Variants in SDK2 observed in about 807,000 individuals in gnomAD.
The protein encoded by SDK2 is protein sidekick-2.
A neutral mutation model predicts 253.9 loss-of-function variants in SDK2; 105 were observed. The ratio of observed to expected loss-of-function variants is 0.41; its 90% CI spans 0.35 to 0.49. SDK2 has a LOEUF of 0.49. SDK2 is among the 20% of genes least tolerant of loss of function. The pLI is 0.06. For synonymous variants in SDK2, 1,249 were observed against 1,234.9 expected (o/e 1.01, Z -0.24); for missense variants, 2,608 against 3,003.0 (o/e 0.87, Z 3.07).
rs763992904 is a variant in SDK2, at chr17:73,435,828, G to A, written c.1001-184C>T. 1.4e-4 allele frequency among the ~76,000 whole-genome samples: 22 copies of A among 152,196 alleles called. No homozygotes were observed. The highest frequency in any genetic ancestry group is 3.2e-3 in the Middle Eastern group (1 of 316). ...AGAGGAGGAAGATGCTCTTTGAGTG[G>A]TAATTCTCAAAGTCTTTGGGACAGA... On this transcript the variant is annotated intron_variant, in intron 8 of 44. Coordinates refer to ENST00000392650, the MANE Select transcript of SDK2 (RefSeq NM_001144952.2). The surrounding 1 kb of genome is among the most constrained non-coding windows in gnomAD (Gnocchi z 5.7).
chr17:73,628,596 T>C (rs1008702354), intron 1 of SDK2, among the ~76,000 whole-genome samples: 2 of 152,140 alleles, frequency 1.3e-5, no homozygotes, highest in African/African-American at 4.8e-5. Flanking sequence ...TGGTGTGGCA[T>C]AGGAGAGCTA....
chr17:73,567,879 C>T (rs1469577451), intron 1 of SDK2, among the ~76,000 whole-genome samples: 1 of 152,226 alleles, frequency 6.6e-6, no homozygotes, highest in African/African-American at 2.4e-5. Flanking sequence ...TTTGCTTTTA[C>T]ACATTCATAA....
chr17:73,562,315 G>A (rs761679689), intron 1 of SDK2, among the ~76,000 whole-genome samples: 9 of 152,264 alleles, frequency 5.9e-5, no homozygotes, highest in Admixed American at 3.9e-4. Context: ...TGGAATTTTT[G>A]CATTAATTTG....
At chr17:73,423,795 G>A (rs2063254973) in intron 13 of SDK2, 121 bp downstream of exon 13, 1 of 889,970 alleles carries the variant, frequency 1.1e-6, no homozygotes, top group African/African-American at 1.7e-5. Context: ...CCTGAGCAAA[G>A]CTGAACAGTT....
intron 1 of SDK2, among the ~76,000 whole-genome samples, chr17:73,617,242 GGAGAGGCCTCCTGCAGAGGGGAGGT>G (rs1445666687): frequency 6.8e-6 from 1 of 147,988 alleles, no homozygotes. Flanking sequence ...AGAGGGGAGG[GGAGAGGCCTCCTGCAGAGGGGAGGT>G]GAGAGGGCTC....
chr17:73,335,974 T>G lies in SDK2; in HGVS notation c.*2613A>C, dbSNP rs918584336. The G allele has an allele frequency of 5.3e-5, 8 of 152,030 alleles. No homozygotes were observed. The highest frequency in any genetic ancestry group is 1.9e-4 in the African/African-American group (8 of 41,336). The allele number at this position is 152,030 out of a possible 1,614,324, so 9.4% of individuals were successfully genotyped here. A position where few individuals can be genotyped will look rare whatever the true frequency, so the allele number is the denominator to read the frequency against. On this transcript the variant is annotated 3_prime_UTR_variant, in exon 45 of 45. Transcript: ENST00000392650. ...GTGTGGGGAGTGGGGGGGTGGAATA[T>G]CTTAGTGCACCAGGTGATTCATTAA...
chr17:73,386,954 G>A (rs929526353), intron 30 of SDK2, among the ~76,000 whole-genome samples: 5 of 152,056 alleles, frequency 3.3e-5, no homozygotes, highest in African/African-American at 1.2e-4. Flanking sequence ...TTTTGTTTGA[G>A]ATGGAGTCTT....
chr17:73,590,187 T>C (rs2045663068), intron 1 of SDK2, among the ~76,000 whole-genome samples: 3 of 152,138 alleles, frequency 2.0e-5, no homozygotes, highest in South Asian at 4.1e-4. Context: ...AAGACGAGAA[T>C]TGGACGGCTG....
chr17:73,501,872 T>C (rs1026290656), intron 2 of SDK2, among the ~76,000 whole-genome samples: 1 of 152,242 alleles, frequency 6.6e-6, no homozygotes, highest in African/African-American at 2.4e-5. Flanking sequence ...TTACTGCGCC[T>C]GATTCCAAGA....
At chr17:73,470,171 G>A (rs1255378148) in intron 3 of SDK2, among the ~76,000 whole-genome samples, 2 of 151,932 alleles carry the variant, frequency 1.3e-5, no homozygotes, top group African/African-American at 4.8e-5. Flanking sequence ...GCAATGCAAG[G>A]GCACACATTT....
At chr17:73,445,705 C>T (rs1422026287) in intron 5 of SDK2, among the ~76,000 whole-genome samples, 1 of 151,642 alleles carries the variant, frequency 6.6e-6, no homozygotes, top group Admixed American at 6.6e-5. Flanking sequence ...GGTTGGCAGG[C>T]AGGCAGGCAG....
chr17:73,419,330 C>T (rs769660826), intron 15 of SDK2, 24 bp from the exon 16 acceptor site: 1 of 1,606,192 alleles, frequency 6.2e-7, no homozygotes, highest in African/African-American at 1.3e-5. Flanking sequence ...CACCAATGCT[C>T]TTAGTCTTGG....
At chr17:73,354,280 G>T (rs2062566561) in intron 40 of SDK2, among the ~76,000 whole-genome samples, 1 of 152,246 alleles carries the variant, frequency 6.6e-6, no homozygotes, top group African/African-American at 2.4e-5. Flanking sequence ...CTTTGCACCT[G>T]AGCTTCCCTC....
At position 73,338,240 on chromosome 17, in the gene SDK2, C is replaced by T. The variant is rs572267690; in HGVS notation, c.*347G>A. The T allele has an allele frequency of 1.4e-5, 6 of 421,436 alleles. No individual in the cohort carries two copies. Among genetic ancestry groups the T allele is most frequent in the African/African-American group, 4.1e-5 (2 of 48,876 alleles). The allele number at this position is 421,436 out of a possible 1,614,324, so 26.1% of individuals were successfully genotyped here. A position where few individuals can be genotyped will look rare whatever the true frequency, so the allele number is the denominator to read the frequency against. ...TCTTCCCTCGGCCACGCCTGCCTGGCGGCCTCCAGTCCTTAGCCTCCGCTC... is the reference window on the plus strand; with the variant it reads ...TCTTCCCTCGGCCACGCCTGCCTGGTGGCCTCCAGTCCTTAGCCTCCGCTC... On this transcript the variant is annotated 3_prime_UTR_variant, in exon 45 of 45. Transcript: ENST00000392650. This position sits in a 1 kb window ranked among gnomAD's most constrained non-coding sequence, Gnocchi z 5.0.
chr17:73,432,832 ATG>A (rs2145612500), intron 10 of SDK2, among the ~76,000 whole-genome samples: 2 of 149,448 alleles, frequency 1.3e-5, no homozygotes, highest in South Asian at 4.2e-4. Context: ...GTACGTGTGC[ATG>A]TATGTGTGTG....
intron 2 of SDK2, among the ~76,000 whole-genome samples, chr17:73,498,008 C>T (rs938328549): frequency 6.6e-6 from 1 of 152,194 alleles, no homozygotes; most frequent in Non-Finnish European, 1.5e-5. Flanking sequence ...TGGGTCCCAA[C>T]TTCCCCAGTG....
chr17:73,565,799 A>G (rs1240824382), intron 1 of SDK2, among the ~76,000 whole-genome samples: 1 of 152,072 alleles, frequency 6.6e-6, no homozygotes, highest in Admixed American at 6.6e-5. Context: ...TTAGAGAGCT[A>G]GTTGTTTTTT....
chr17:73,542,826 T>C (rs746513940), intron 1 of SDK2, among the ~76,000 whole-genome samples: 1 of 151,972 alleles, frequency 6.6e-6, no homozygotes, highest in Non-Finnish European at 1.5e-5. Flanking sequence ...ATATCAAATA[T>C]AAAATTAGGT....
intron 1 of SDK2, among the ~76,000 whole-genome samples, chr17:73,601,754 T>TC (rs1646826153): frequency 6.6e-6 from 1 of 151,842 alleles, no homozygotes; most frequent in Admixed American, 6.5e-5. Flanking sequence ...TTTTTTTTTT[T>TC]CTTTTTTGAG....
Sources: gnomAD v4.1 joint callset for allele counts (sites outside exome capture counted in the v4.1 genomes callset) on GRCh38, gnomAD v4.1.1 for gene constraint, Gnocchi (gnomAD v3.1) non-coding constraint, MANE v1.5 for transcripts, NCBI Gene and HGNC (gene_info 2026-07-23, HGNC 2026-07-21) for gene names.